Variants in EMP2 observed in about 807,000 individuals in gnomAD.
EMP2 encodes epithelial membrane protein 2.
A neutral mutation model predicts 13.7 loss-of-function variants in EMP2; 19 were observed. The observed-to-expected ratio is 1.38, with a 90% CI of 0.97 to 2.03. EMP2 has a LOEUF of 2.03. EMP2 is among the 30% of genes most tolerant of loss of function. The pLI is 0.00. For missense variants in EMP2, 253 were observed against 220.7 expected, an observed-to-expected ratio of 1.15 and a Z score of -0.93; for synonymous variants, 97 against 84.7, an observed-to-expected ratio of 1.15 and a Z score of -0.80.
intron 1 of EMP2, among the ~76,000 whole-genome samples, chr16:10,573,282 G>A (rs902828311): frequency 6.6e-6 from 1 of 152,060 alleles, no homozygotes. Context: ...AAACTCCTGT[G>A]CTCAAGCAAT....
chr16:10,577,590 G>C (rs77235070), intron 1 of EMP2, among the ~76,000 whole-genome samples: 5,687 of 152,200 alleles, frequency 0.037, 191 homozygotes, highest in East Asian at 0.084. Context: ...CCCTGCACAT[G>C]CTGAGGCCAT....
At chr16:10,570,376 C>G (rs2050938617) in intron 1 of EMP2, among the ~76,000 whole-genome samples, 1 of 152,038 alleles carries the variant, frequency 6.6e-6, no homozygotes, top group African/African-American at 2.4e-5. Context: ...CAGGTGCACA[C>G]CACCACACCC....
rs1214261019 is a variant in EMP2, at chr16:10,530,150, C to A, written c.*2755G>T. 1 of 152,128 alleles carries A rather than the reference C, an allele frequency of 6.6e-6. No homozygotes were observed. Among genetic ancestry groups the A allele is most frequent in the Non-Finnish European group, 1.5e-5 (1 of 68,052 alleles). 9.4% of individuals were successfully genotyped at this position (152,128 alleles called of 1,614,324 possible). On this transcript the variant is annotated 3_prime_UTR_variant, in exon 5 of 5. Transcript: ENST00000359543. The stretch of plus-strand genomic sequence containing the variant: ...TTGTCCTGTCTCTGGCCCCAGGTCA[C>A]CCTGTACTGCATTGGTGGCTTCTCC...
intron 1 of EMP2, among the ~76,000 whole-genome samples, chr16:10,550,806 C>G (rs1376056787): frequency 6.6e-6 from 1 of 152,114 alleles, no homozygotes; most frequent in Non-Finnish European, 1.5e-5. Flanking sequence ...GAAACCCTGT[C>G]TCTACTAAAA....
chr16:10,536,380 T>A (rs1362577357), intron 4 of EMP2, among the ~76,000 whole-genome samples: 1 of 152,142 alleles, frequency 6.6e-6, no homozygotes, highest in Non-Finnish European at 1.5e-5. Flanking sequence ...AATCCCCACA[T>A]GTCAAGGACG....
In EMP2 at chr16:10,531,343, CTTTTT is replaced by C. The variant is rs2050600499; in HGVS notation, c.*1557_*1561del. On this transcript the variant is annotated 3_prime_UTR_variant, in exon 5 of 5. Transcript: ENST00000359543. ...GTAATTAGTTTCTTTTCTTTTTTTT[CTTTTT>C]TTGAGATGGAGTCTCACTCTGTCAC... is the stretch of plus-strand genomic sequence containing the variant. The C allele has an allele frequency of 6.6e-6, 1 of 150,706 alleles. No homozygotes were observed. Among genetic ancestry groups the C allele is most frequent in the South Asian group, 2.1e-4 (1 of 4,746 alleles). 9.3% of individuals were successfully genotyped at this position (150,706 alleles called of 1,614,324 possible). A position where few individuals can be genotyped will look rare whatever the true frequency, so the allele number is the denominator to read the frequency against.
At chr16:10,560,135 TG>T (rs914796123) in intron 1 of EMP2, among the ~76,000 whole-genome samples, 7 of 152,218 alleles carry the variant, frequency 4.6e-5, no homozygotes, top group African/African-American at 1.7e-4. Flanking sequence ...CCTTCCCTTT[TG>T]GGGTCCTGTT....
At chr16:10,552,422 G>C (rs1036241591) in intron 1 of EMP2, among the ~76,000 whole-genome samples, 2 of 152,202 alleles carry the variant, frequency 1.3e-5, no homozygotes, top group East Asian at 1.9e-4. Context: ...ACAGTGCATT[G>C]ATAGGGCATT....
chr16:10,569,737 G>A (rs1173974623), intron 1 of EMP2, among the ~76,000 whole-genome samples: 1 of 152,306 alleles, frequency 6.6e-6, no homozygotes, highest in Non-Finnish European at 1.5e-5. Context: ...AACATCGCCT[G>A]TATGCTACAG....
intron 1 of EMP2, among the ~76,000 whole-genome samples, chr16:10,563,537 T>C (rs1380927987): frequency 1.3e-5 from 2 of 152,298 alleles, no homozygotes; most frequent in East Asian, 3.9e-4. Context: ...TTTTTATAGA[T>C]GGATCTTTGC....
chr16:10,558,877 C>T (rs1311430921), intron 1 of EMP2: 3 of 152,262 alleles, frequency 2.0e-5, no homozygotes, highest in African/African-American at 7.2e-5. Flanking sequence ...CCATTCCCGC[C>T]CTCGGGAGTT....
chr16:10,558,262 A>G (rs1469059125), intron 1 of EMP2, among the ~76,000 whole-genome samples: 1 of 152,074 alleles, frequency 6.6e-6, no homozygotes, highest in East Asian at 1.9e-4. Flanking sequence ...CCTGGCCTCA[A>G]GCCATCCTCC....
At chr16:10,537,051 G>A (rs1044789085) in intron 4 of EMP2, among the ~76,000 whole-genome samples, 1 of 152,158 alleles carries the variant, frequency 6.6e-6, no homozygotes, top group Non-Finnish European at 1.5e-5. Context: ...CTGGAAGGAG[G>A]TGGTAGTTAG....
chr16:10,561,410 A>G (rs2050870354), intron 1 of EMP2, among the ~76,000 whole-genome samples: 1 of 152,164 alleles, frequency 6.6e-6, no homozygotes, highest in African/African-American at 2.4e-5. Context: ...TAGATGAGAA[A>G]TCCTGCTCAG....
chr16:10,578,359 G>A (rs2050998960), intron 1 of EMP2, among the ~76,000 whole-genome samples: 1 of 152,186 alleles, frequency 6.6e-6, no homozygotes, highest in Admixed American at 6.5e-5. Context: ...AGATACTGAG[G>A]TGAAACATTC....
rs1029957561 is a variant in EMP2 at position 10,562,606 on chromosome 16, C to T, written c.-60-14929G>A. Among the ~76,000 whole-genome samples the T allele has an allele frequency of 5.3e-5, 8 of 152,240 alleles. No individual in the cohort carries two copies. The East Asian group carries it at 1.4e-3, about 26-fold the overall frequency. ...CACCCAGCTGAGCTCAGCCCAAATT[C>T]CCCATCTATAGAATCATGAACAAAA... On this transcript the variant is annotated intron_variant, in intron 1 of 4. Coordinates refer to ENST00000359543, the MANE Select transcript of EMP2 (RefSeq NM_001424.6).
At chr16:10,557,881 C>A (rs1476655506) in intron 1 of EMP2, among the ~76,000 whole-genome samples, 1 of 151,940 alleles carries the variant, frequency 6.6e-6, no homozygotes, top group Non-Finnish European at 1.5e-5. Flanking sequence ...CAAGCAGCAA[C>A]AAGAAACCTC....
chr16:10,548,824 G>A lies in EMP2; in HGVS notation c.-60-1147C>T, dbSNP rs544461363. ...AAAATACAACAAGTGGCAGACAGCTGCCATTTCATTTTCCCCTCTCTGATC... is the reference window on the plus strand; with the variant it reads ...AAAATACAACAAGTGGCAGACAGCTACCATTTCATTTTCCCCTCTCTGATC... On this transcript the variant is annotated intron_variant, in intron 1 of 4. Coordinates refer to ENST00000359543, the MANE Select transcript of EMP2 (RefSeq NM_001424.6). Among the ~76,000 whole-genome samples the A allele has an allele frequency of 1.1e-4, 16 of 152,332 alleles. No individual in the cohort carries two copies. The South Asian group carries it at 2.9e-3, about 28-fold the overall frequency.
In EMP2 at chr16:10,543,608, T is replaced by A. The variant is rs747866461; in HGVS notation, c.131A>T (p.Asn44Ile). ...ATTGATGACTGTGCAATTCGTGTTGTTGGTACATATTCTCCAGACATCTGC... is the reference window on the plus strand; with the variant it reads ...ATTGATGACTGTGCAATTCGTGTTGATGGTACATATTCTCCAGACATCTGC... ...FFADVWRICT[N>I]NTNCTVINDS... is the part of the protein sequence containing the mutation. Residue 44 changes from asparagine (N) to isoleucine (I), a missense_variant, in exon 3 of 5, where the codon AAC becomes ATC. Physicochemically the swap from Asn to Ile is moderately radical, Grantham distance 149. Coordinates refer to ENST00000359543, the MANE Select transcript of EMP2 (RefSeq NM_001424.6). 2.4e-5 allele frequency: 38 copies of A among 1,614,126 alleles called. No individual in the cohort carries two copies. Among genetic ancestry groups the A allele is most frequent in the Non-Finnish European group, 3.1e-5 (36 of 1,180,042 alleles).
Sources: gnomAD v4.1 joint callset for allele counts (sites outside exome capture counted in the v4.1 genomes callset) on GRCh38, gnomAD v4.1.1 for gene constraint, MANE v1.5 for transcripts, NCBI Gene and HGNC (gene_info 2026-07-23, HGNC 2026-07-21) for gene names.